The following TNKS variants were observed in gnomAD, a reference collection of about 807,000 sequenced individuals.
The protein encoded by TNKS is tankyrase.
A neutral mutation model predicts 135.8 loss-of-function variants in TNKS; 72 were observed. That is an observed-to-expected ratio of 0.53 (90% CI 0.44 to 0.64). The LOEUF (loss-of-function observed/expected upper bound fraction) is 0.64, where lower values mean the gene tolerates loss of function less well. Ranked by LOEUF, TNKS falls within the 30% of genes least tolerant of loss-of-function variation. The probability of loss-of-function intolerance (pLI) is 0.00; values close to 1 mark genes in which losing one functional copy is unlikely to be tolerated. For synonymous variants in TNKS, 849 were observed against 649.3 expected (o/e 1.31, Z -4.68); for missense variants, 1,769 against 1,674.0 (o/e 1.06, Z -0.99).
At chr8:9,672,584 G>A (rs182870100) in intron 3 of TNKS, among the ~76,000 whole-genome samples, 5 of 137,148 alleles carry the variant, frequency 3.6e-5, no homozygotes, top group African/African-American at 1.4e-4. Context: ...TTGCCAAGTT[G>A]TTTTGGATCA....
chr8:9,631,713 T>C (rs186362602), intron 3 of TNKS, among the ~76,000 whole-genome samples: 1 of 152,206 alleles, frequency 6.6e-6, no homozygotes, highest in East Asian at 1.9e-4. Context: ...TCTTCAGTCG[T>C]AAGTCTTTTC....
chr8:9,600,256 T>A (rs141688490), intron 2 of TNKS, among the ~76,000 whole-genome samples: 2 of 152,334 alleles, frequency 1.3e-5, no homozygotes, highest in African/African-American at 4.8e-5. Context: ...TATGGCATAT[T>A]GCCATGGCAG....
At chr8:9,583,094 G>T (rs1300569907) in intron 2 of TNKS, among the ~76,000 whole-genome samples, 1 of 150,896 alleles carries the variant, frequency 6.6e-6, no homozygotes, top group Non-Finnish European at 1.5e-5. Context: ...ATGAACCCGG[G>T]AGGCGGAGCT....
At chr8:9,642,668 C>CT (rs1277662856) in intron 3 of TNKS, among the ~76,000 whole-genome samples, 3 of 145,624 alleles carry the variant, frequency 2.1e-5, no homozygotes, top group African/African-American at 5.1e-5. Flanking sequence ...CATCATTTTT[C>CT]TTTTTTTAGC....
chr8:9,753,065 A>C (rs1319693399), intron 20 of TNKS, among the ~76,000 whole-genome samples: 5 of 152,166 alleles, frequency 3.3e-5, no homozygotes, highest in African/African-American at 1.2e-4. Context: ...TTCTATAAGA[A>C]GCCAGAGGAG....
chr8:9,691,171 A>C (rs1803247546), intron 5 of TNKS, among the ~76,000 whole-genome samples: 1 of 152,248 alleles, frequency 6.6e-6, no homozygotes, highest in Admixed American at 6.5e-5. Context: ...TTAGTTCAAG[A>C]AGAGACCAAG....
chr8:9,584,549 A>G (rs546894163), intron 2 of TNKS, among the ~76,000 whole-genome samples: 1 of 152,218 alleles, frequency 6.6e-6, no homozygotes, highest in Non-Finnish European at 1.5e-5. Flanking sequence ...ATGTGTTTCT[A>G]AGGTTGGTCC....
At chr8:9,613,493 T>G (rs906060889) in intron 2 of TNKS, among the ~76,000 whole-genome samples, 8 of 152,228 alleles carry the variant, frequency 5.3e-5, no homozygotes, top group African/African-American at 1.7e-4. Context: ...TTTTTAATTT[T>G]TAATTCATAT....
intron 2 of TNKS, among the ~76,000 whole-genome samples, chr8:9,604,492 A>C (rs1799144149): frequency 6.6e-6 from 1 of 152,208 alleles, no homozygotes; most frequent in East Asian, 1.9e-4. Flanking sequence ...GTATCTGCCT[A>C]ACATATATAA....
chr8:9,662,890 C>T (rs971599166), intron 3 of TNKS, among the ~76,000 whole-genome samples: 4 of 152,226 alleles, frequency 2.6e-5, no homozygotes, highest in African/African-American at 9.7e-5. Flanking sequence ...TAGATGTCAA[C>T]ATACTAATCC....
At chr8:9,771,436 GAGGAA>G (rs1480231926) in intron 26 of TNKS, among the ~76,000 whole-genome samples, 6 of 89,174 alleles carry the variant, frequency 6.7e-5, no homozygotes, top group Non-Finnish European at 5.0e-5. Flanking sequence ...GGGAGGGACA[GAGGAA>G]AGGAAAAGAG....
intron 5 of TNKS, among the ~76,000 whole-genome samples, chr8:9,684,232 G>T (rs990645846): frequency 3.3e-5 from 5 of 151,630 alleles, no homozygotes; most frequent in South Asian, 2.1e-4. Context: ...TGGATTTTTT[G>T]ATCTTTAATC....
At chr8:9,655,812 C>T (rs1364012139) in intron 3 of TNKS, among the ~76,000 whole-genome samples, 1 of 151,686 alleles carries the variant, frequency 6.6e-6, no homozygotes, top group Non-Finnish European at 1.5e-5. Flanking sequence ...GCAGAAAAAC[C>T]AGAAACTCTA....
In TNKS at chr8:9,780,917, C is replaced by CA. The variant is rs1808433713; in HGVS notation, c.*4184dup. The CA allele has an allele frequency of 6.6e-6, 1 of 152,204 alleles. No individual in the cohort carries two copies. The allele number at this position is 152,204 out of a possible 1,614,324, so 9.4% of individuals were successfully genotyped here. On this transcript the variant is annotated 3_prime_UTR_variant, in exon 27 of 27. Transcript: ENST00000310430. ...GTTTGGAGAAGTGCTGGAAAGATTTCAAAGCCTATTCAGTTGTGTATGTGG... is the reference window on the plus strand; with the variant it reads ...GTTTGGAGAAGTGCTGGAAAGATTTCAAAAGCCTATTCAGTTGTGTATGTGG...
At chr8:9,720,704 G>A (rs1162295247) in intron 12 of TNKS, among the ~76,000 whole-genome samples, 159 bp downstream of exon 12, 1 of 152,124 alleles carries the variant, frequency 6.6e-6, no homozygotes, top group Non-Finnish European at 1.5e-5. Flanking sequence ...TTTTGGTAGG[G>A]TAAGGTAGGT....
intron 5 of TNKS, among the ~76,000 whole-genome samples, chr8:9,702,437 T>C (rs536703981): frequency 2.6e-5 from 4 of 151,978 alleles, no homozygotes; most frequent in African/African-American, 9.7e-5. Flanking sequence ...AAAAAACACA[T>C]GTACAAAGGA....
intron 5 of TNKS, among the ~76,000 whole-genome samples, chr8:9,691,472 A>G (rs140548002): frequency 3.9e-5 from 6 of 152,274 alleles, no homozygotes; most frequent in Non-Finnish European, 7.4e-5. Context: ...CCCCTCAGCT[A>G]TATTAGTCCA....
intron 3 of TNKS, among the ~76,000 whole-genome samples, chr8:9,629,099 G>A (rs377337954): frequency 2.0e-5 from 3 of 152,192 alleles, no homozygotes; most frequent in African/African-American, 7.2e-5. Context: ...TCTCACCAAC[G>A]TGTAGTCTGT....
intron 2 of TNKS, among the ~76,000 whole-genome samples, chr8:9,600,874 C>T (rs1225729204): frequency 2.0e-5 from 3 of 152,190 alleles, no homozygotes; most frequent in Admixed American, 6.5e-5. Flanking sequence ...TTTGTTTCTA[C>T]AGTCAGCATT....
Sources: allele counts gnomAD v4.1 joint callset (sites outside exome capture counted in the v4.1 genomes callset), GRCh38; gene constraint gnomAD v4.1.1; transcripts MANE v1.5; gene names NCBI Gene and HGNC (gene_info 2026-07-23, HGNC 2026-07-21).